CUL4B: variants seen among roughly 807,000 people sequenced by gnomAD.
The protein encoded by CUL4B is cullin-4B.
CUL4B carries 1 observed loss-of-function variant against 69.2 expected under a neutral mutation model. That is an observed-to-expected ratio of 0.01 (90% confidence interval 0.01 to 0.07). The LOEUF is 0.07. Among genes scored for constraint, CUL4B ranks in the 10% least tolerant of loss-of-function variants. The pLI, the probability that CUL4B is intolerant of heterozygous loss-of-function variation, is 1.00. For missense variants in CUL4B, 328 were observed against 638.8 expected, an observed-to-expected ratio of 0.51 and a Z score of 5.24; for synonymous variants, 237 against 223.2, an observed-to-expected ratio of 1.06 and a Z score of -0.55.
chrX:120,561,345 G>A (rs1925299107), upstream of CUL4B: 2 of 565,869 alleles, frequency 3.5e-6, no homozygotes, highest in East Asian at 3.3e-5. Flanking sequence ...CGGTCCCGCG[G>A]GAAGCTTCGC....
At chrX:120,544,370 G>A (rs1924192664) in intron 6 of CUL4B, 111 bp downstream of exon 6, 2 of 886,919 alleles carry the variant, frequency 2.3e-6, no homozygotes, top group Non-Finnish European at 3.3e-6. Flanking sequence ...TATATGAGAT[G>A]TGCTTCCTTC....
At chrX:120,537,585 C>A (rs1346370609) in intron 14 of CUL4B, among the ~76,000 whole-genome samples, 1 of 111,753 alleles carries the variant, frequency 8.9e-6, no homozygotes, top group Non-Finnish European at 1.9e-5. Context: ...TTAATTCTTT[C>A]ACTTCCACTT....
chrX:120,528,706 G>A (rs1923142879), intron 19 of CUL4B, among the ~76,000 whole-genome samples: 1 of 111,073 alleles, frequency 9.0e-6, no homozygotes, highest in Admixed American at 9.6e-5. Context: ...GGATGACAGA[G>A]CGAGACTCCA....
At chrX:120,536,754 G>A (rs1923695782) in intron 15 of CUL4B, among the ~76,000 whole-genome samples, 173 bp downstream of exon 15, 1 of 111,818 alleles carries the variant, frequency 8.9e-6, no homozygotes, top group Admixed American at 9.5e-5. Flanking sequence ...CCAGCACTTC[G>A]GAAGGCTGAG....
Position 120,543,036 on chromosome X carries a change from AC to A in CUL4B, c.1257-4del. 2 of 1,155,152 alleles carry A rather than the reference AC, an allele frequency of 1.7e-6. No homozygotes were observed. Among genetic ancestry groups the A allele is most frequent in the Admixed American group, 2.2e-5 (1 of 45,405 alleles). ...CTACAGTAGCAATTAATGACTTCCTACAAGGAAAAAAAAAAAGGTTAGTATT... is the reference window on the plus strand; with the variant it reads ...CTACAGTAGCAATTAATGACTTCCTAAAGGAAAAAAAAAAAGGTTAGTATT... On this transcript the variant is annotated splice_region_variant and splice_polypyrimidine_tract_variant and intron_variant, in intron 8 of 19. Coordinates refer to ENST00000371322, the MANE Select transcript of CUL4B (RefSeq NM_001079872.2).
intron 15 of CUL4B, 112 bp downstream of exon 15, chrX:120,536,815 A>G: frequency 3.6e-6 from 2 of 548,284 alleles, no homozygotes; most frequent in Non-Finnish European, 6.2e-6. Context: ...TGAGCAATAC[A>G]GCGAGACCCT....
At chrX:120,545,579 T>C (rs1473207110) in intron 4 of CUL4B, 62 bp from the exon 5 acceptor site, 7 of 795,913 alleles carry the variant, frequency 8.8e-6, no homozygotes, top group Non-Finnish European at 1.1e-5. Context: ...AAATATTTGC[T>C]TTCAATAAGA....
upstream of CUL4B, chrX:120,561,006 G>A: frequency 4.1e-6 from 4 of 966,888 alleles, no homozygotes; most frequent in Non-Finnish European, 5.2e-6. Context: ...TCCCTGGGAG[G>A]GGAGAGGCTG....
chrX:120,536,961 G>A lies in CUL4B; in HGVS notation c.2012C>T (p.Thr671Ile). ...VNILTMGYWP[T>I]YVPMEVHLPP... ...TAAATGAACTTCCATAGGCACATAT[G>A]TCGGCCAATAGCCCATTGTCAGGAT... is the stretch of plus-strand genomic sequence containing the variant. The change falls in exon 15 of 20, where the codon ACA becomes ATA. Residue 671 changes from threonine to isoleucine, a missense_variant. By Grantham distance (89) the Thr-to-Ile change is moderately conservative. Transcript: ENST00000371322. 8.3e-7 allele frequency: 1 copy of A among 1,207,433 alleles called. No homozygotes were observed. The highest frequency in any genetic ancestry group is 1.1e-6 in the Non-Finnish European group (1 of 891,814).
At chrX:120,557,515 G>A (rs1367893197) in intron 2 of CUL4B, among the ~76,000 whole-genome samples, 1 of 111,702 alleles carries the variant, frequency 9.0e-6, no homozygotes, top group Non-Finnish European at 1.9e-5. Context: ...TAAGAAGGAG[G>A]TAGAATAAAG....
intron 18 of CUL4B, among the ~76,000 whole-genome samples, chrX:120,531,623 C>A (rs1050597368): frequency 3.9e-4 from 43 of 109,324 alleles, no homozygotes; most frequent in African/African-American, 1.4e-3. Context: ...CCACGCCCAG[C>A]TGATTTTTGT....
intron 1 of CUL4B, 74 bp from the exon 2 acceptor site, chrX:120,558,113 A>T: frequency 1.7e-6 from 1 of 597,152 alleles, no homozygotes; most frequent in Admixed American, 2.6e-5. Context: ...AAAATATAAT[A>T]GCATTACTAA....
At chrX:120,569,573 G>T (rs1925656456), downstream of CUL4B, among the ~76,000 whole-genome samples, 1 of 111,044 alleles carries the variant, frequency 9.0e-6, no homozygotes, top group Non-Finnish European at 1.9e-5. Flanking sequence ...TGTTAGCCAG[G>T]ATGGTCTCGA....
At chrX:120,547,706 G>A (rs1924420004) in intron 2 of CUL4B, among the ~76,000 whole-genome samples, 1 of 111,672 alleles carries the variant, frequency 9.0e-6, no homozygotes, top group African/African-American at 3.3e-5. Context: ...GATCCTGGGT[G>A]TGTCTGTGAG....
rs1922980844 is a variant in CUL4B at position 120,526,583 on chromosome X, A to G, written c.*178T>C. On this transcript the variant is annotated 3_prime_UTR_variant, in exon 20 of 20. Coordinates refer to ENST00000371322, the MANE Select transcript of CUL4B (RefSeq NM_001079872.2). ...AACAACATTCTTCTTAAAGGTAAGTATTACTCTTTAAAATGGGCATGTTAA... is the reference window on the plus strand; with the variant it reads ...AACAACATTCTTCTTAAAGGTAAGTGTTACTCTTTAAAATGGGCATGTTAA... 2.9e-6 allele frequency: 1 copy of G among 341,239 alleles called. No homozygotes were observed. The highest frequency in any genetic ancestry group is 5.4e-6 in the Non-Finnish European group (1 of 184,623). 28.1% of individuals were successfully genotyped at this position (341,239 alleles called of 1,213,427 possible).
chrX:120,542,209 T>C (rs1229388457), intron 9 of CUL4B, among the ~76,000 whole-genome samples: 1 of 112,225 alleles, frequency 8.9e-6, no homozygotes, highest in East Asian at 2.8e-4. Flanking sequence ...ACATTATAAA[T>C]ACCTCATATA....
In CUL4B at chrX:120,560,077, G is replaced by C; in HGVS notation, c.556+6C>G. 1 of 1,211,416 alleles carries C rather than the reference G, an allele frequency of 8.3e-7. No individual in the cohort carries two copies. The highest frequency in any genetic ancestry group is 1.1e-6 in the Non-Finnish European group (1 of 895,120). The stretch of plus-strand genomic sequence containing the variant: ...TTAGGTGATTATGGATTTTGGCCTT[G>C]GTTACCTTTAAAGTTCTTGATCACT... On this transcript the variant is annotated splice_donor_region_variant and intron_variant, in intron 1 of 19. Transcript: ENST00000371322.
chrX:120,539,412 A>C (rs1220144512), intron 11 of CUL4B, 40 bp from the exon 12 acceptor site: 2 of 838,139 alleles, frequency 2.4e-6, no homozygotes, highest in Non-Finnish European at 3.5e-6. Context: ...TAACCGGGGA[A>C]TACACGAGGT....
At position 120,525,783 on chromosome X, in the gene CUL4B, A is replaced by G. The variant is rs1370175075; in HGVS notation, c.*978T>C. 1 of 111,814 alleles carries G rather than the reference A, an allele frequency of 8.9e-6. No individual in the cohort carries two copies. The highest frequency in any genetic ancestry group is 1.9e-5 in the Non-Finnish European group (1 of 53,133). The allele number at this position is 111,814 out of a possible 1,213,427, so 9.2% of individuals were successfully genotyped here. On this transcript the variant is annotated 3_prime_UTR_variant, in exon 20 of 20. Transcript: ENST00000371322. The stretch of plus-strand genomic sequence containing the variant: ...TTGGTAGAGAAAATAGGAATGCTAA[A>G]TCCTAGGAAGCCTGTAACAATCTAC...
Sources: allele counts gnomAD v4.1 joint callset (sites outside exome capture counted in the v4.1 genomes callset), GRCh38; gene constraint gnomAD v4.1.1; transcripts MANE v1.5; gene names NCBI Gene and HGNC (gene_info 2026-07-23, HGNC 2026-07-21).